The following HMBOX1 variants were observed in gnomAD, a reference collection of about 807,000 sequenced individuals.
The protein encoded by HMBOX1 is homeobox containing 1.
Under a neutral mutation model 54.5 loss-of-function variants are expected in HMBOX1, and 14 were observed. That is an observed-to-expected ratio of 0.26 (90% CI 0.17 to 0.40). The LOEUF is 0.40. HMBOX1 is among the 10% of genes least tolerant of loss of function. The probability of loss-of-function intolerance (pLI) is 1.00; values close to 1 mark genes in which losing one functional copy is unlikely to be tolerated. For synonymous variants in HMBOX1, 160 were observed against 181.0 expected (o/e 0.88, Z 0.93); for missense variants, 332 against 514.4 (o/e 0.65, Z 3.43).
chr8:28,999,138 G>C (rs1047935623), intron 4 of HMBOX1, among the ~76,000 whole-genome samples: 2 of 152,104 alleles, frequency 1.3e-5, no homozygotes, highest in African/African-American at 4.8e-5. Flanking sequence ...TCAGCCTGAA[G>C]ACCTGCCTTT....
chr8:28,904,021 C>G lies in HMBOX1; in HGVS notation c.-58+13343C>G, dbSNP rs920028713. 4.6e-5 allele frequency among the ~76,000 whole-genome samples: 7 copies of G among 152,264 alleles called. No individual in the cohort carries two copies. The East Asian group carries it at 1.4e-3, about 29-fold the overall frequency. ...TCTCCCGCTCCCAACAGATAATTCTCCCATCCAAAATGTCAACAGTACTGG... is the reference window on the plus strand; with the variant it reads ...TCTCCCGCTCCCAACAGATAATTCTGCCATCCAAAATGTCAACAGTACTGG... On this transcript the variant is annotated intron_variant, in intron 1 of 9. Coordinates refer to ENST00000287701, the MANE Select transcript of HMBOX1 (RefSeq NM_001135726.3).
intron 4 of HMBOX1, among the ~76,000 whole-genome samples, chr8:28,996,554 G>A (rs1212952547): frequency 6.6e-6 from 1 of 152,190 alleles, no homozygotes; most frequent in Admixed American, 6.5e-5. Flanking sequence ...AGCAGGTGGA[G>A]GCTGGGTTGT....
chr8:29,008,201 TG>T (rs1348607153), intron 4 of HMBOX1, among the ~76,000 whole-genome samples: 2 of 152,240 alleles, frequency 1.3e-5, no homozygotes, highest in African/African-American at 4.8e-5. Context: ...TCTTTCCTGT[TG>T]TTACTTGCTT....
intron 4 of HMBOX1, among the ~76,000 whole-genome samples, chr8:28,989,292 A>G (rs558043927): frequency 1.3e-5 from 2 of 152,192 alleles, no homozygotes; most frequent in African/African-American, 4.8e-5. Flanking sequence ...AAAAAAGAAA[A>G]TTTTGCTTAA....
intron 1 of HMBOX1, among the ~76,000 whole-genome samples, chr8:28,928,597 T>C (rs1370794345): frequency 6.6e-6 from 1 of 152,206 alleles, no homozygotes; most frequent in Non-Finnish European, 1.5e-5. Context: ...AGCCAAGATA[T>C]GGAAACAACC....
chr8:28,920,202 A>G (rs1482113555), intron 1 of HMBOX1, among the ~76,000 whole-genome samples: 1 of 152,164 alleles, frequency 6.6e-6, no homozygotes, highest in Non-Finnish European at 1.5e-5. Context: ...TCCAGATACC[A>G]TTTACTAACT....
chr8:28,973,836 A>T (rs1259263675), intron 3 of HMBOX1, among the ~76,000 whole-genome samples: 6 of 29,534 alleles, frequency 2.0e-4, no homozygotes, highest in East Asian at 8.5e-4. Context: ...TTTTTTTTTG[A>T]GACAGTCTCG....
intron 1 of HMBOX1, among the ~76,000 whole-genome samples, chr8:28,908,958 C>T (rs28658003): frequency 0.019 from 2,825 of 151,826 alleles, 81 homozygotes; most frequent in African/African-American, 0.065. Flanking sequence ...AAATTAGCTG[C>T]GTGTAGTGGT....
At chr8:29,025,213 A>G (rs1801842638) in intron 6 of HMBOX1, among the ~76,000 whole-genome samples, 1 of 152,274 alleles carries the variant, frequency 6.6e-6, no homozygotes, top group African/African-American at 2.4e-5. Context: ...CACACATTGA[A>G]TGACAAAGCA....
chr8:29,050,981 A>G, intron 9 of HMBOX1, 37 bp from the exon 10 acceptor site: 1 of 1,594,708 alleles, frequency 6.3e-7, no homozygotes, highest in South Asian at 1.1e-5. Flanking sequence ...GAATTCTTCC[A>G]ATCCACTAAT....
intron 2 of HMBOX1, among the ~76,000 whole-genome samples, chr8:28,964,219 A>G (rs903965220): frequency 6.6e-6 from 1 of 152,172 alleles, no homozygotes; most frequent in Non-Finnish European, 1.5e-5. Flanking sequence ...GATGACTAAC[A>G]GTTCAAGAGA....
chr8:28,894,943 A>C (rs1448227385), intron 1 of HMBOX1, among the ~76,000 whole-genome samples: 1 of 124,682 alleles, frequency 8.0e-6, no homozygotes, highest in African/African-American at 4.1e-5. Context: ...TAACATTTGC[A>C]AAAAAAAAAA....
intron 6 of HMBOX1, among the ~76,000 whole-genome samples, chr8:29,042,073 C>A (rs1804910577): frequency 6.6e-6 from 1 of 152,092 alleles, no homozygotes; most frequent in South Asian, 2.1e-4. Flanking sequence ...GTAAGACACA[C>A]CTTAGTTGAC....
chr8:28,944,036 C>A (rs565416413), intron 1 of HMBOX1, among the ~76,000 whole-genome samples: 2 of 152,154 alleles, frequency 1.3e-5, no homozygotes, highest in South Asian at 4.1e-4. Flanking sequence ...GTTTCTCTAG[C>A]GCTGACTTTC....
At chr8:28,976,044 G>A (rs988287231) in intron 3 of HMBOX1, among the ~76,000 whole-genome samples, 1 of 152,188 alleles carries the variant, frequency 6.6e-6, no homozygotes, top group South Asian at 2.1e-4. Flanking sequence ...AAGAGAATTG[G>A]ACACAATGAA....
intron 9 of HMBOX1, chr8:29,050,667 T>G (rs1280097467): frequency 9.3e-6 from 2 of 214,760 alleles, no homozygotes; most frequent in African/African-American, 4.6e-5. Flanking sequence ...CTTCAGTGAT[T>G]AGTGCTATAT....
intron 1 of HMBOX1, among the ~76,000 whole-genome samples, chr8:28,951,017 A>G (rs923455088): frequency 6.6e-6 from 1 of 152,202 alleles, no homozygotes; most frequent in Non-Finnish European, 1.5e-5. Flanking sequence ...CTAAGATCAT[A>G]TGACAGTAGC....
chr8:29,029,706 C>T (rs78667639), intron 6 of HMBOX1, among the ~76,000 whole-genome samples: 2,962 of 152,250 alleles, frequency 0.019, 94 homozygotes, highest in African/African-American at 0.068. Flanking sequence ...TGAGAACTTA[C>T]GGTTACGGGA....
At chr8:28,992,824 C>G (rs1452864999) in intron 4 of HMBOX1, among the ~76,000 whole-genome samples, 1 of 139,782 alleles carries the variant, frequency 7.2e-6, no homozygotes, top group Non-Finnish European at 1.5e-5. Context: ...GAGCTGAGAT[C>G]CTGCCATTGC....
Sources: allele counts gnomAD v4.1 joint callset (sites outside exome capture counted in the v4.1 genomes callset), GRCh38; gene constraint gnomAD v4.1.1; transcripts MANE v1.5; gene names NCBI Gene and HGNC (gene_info 2026-07-23, HGNC 2026-07-21).